Variants in PARN observed in about 807,000 individuals in gnomAD.
PARN encodes poly(A)-specific ribonuclease, also known as poly(A)-specific ribonuclease PARN.
In PARN, 71 loss-of-function variants were observed where a neutral mutation model predicts 102.8. The observed-to-expected ratio is 0.69, with a 90% CI of 0.57 to 0.84. The LOEUF is 0.84. PARN is among the 40% of genes least tolerant of loss of function. The pLI, the probability that PARN is intolerant of heterozygous loss-of-function variation, is 0.00. For synonymous variants in PARN, 261 were observed against 252.9 expected, an observed-to-expected ratio of 1.03 and a Z score of -0.30; for missense variants, 782 against 760.9, an observed-to-expected ratio of 1.03 and a Z score of -0.33.
intron 7 of PARN, among the ~76,000 whole-genome samples, 155 bp downstream of exon 7, chr16:14,610,489 A>G (rs1052242967): frequency 6.7e-6 from 1 of 149,512 alleles, no homozygotes; most frequent in Non-Finnish European, 1.5e-5. Flanking sequence ...AAAAAAAAAA[A>G]TTTTTTTTTT....
At chr16:14,496,958 C>T (rs1964346081) in intron 21 of PARN, among the ~76,000 whole-genome samples, 1 of 152,176 alleles carries the variant, frequency 6.6e-6, no homozygotes. Context: ...GTTAAAATAA[C>T]TTGCCTGATG....
intron 5 of PARN, among the ~76,000 whole-genome samples, chr16:14,623,380 A>G (rs538432191): frequency 7.2e-5 from 11 of 151,814 alleles, no homozygotes; most frequent in Admixed American, 6.6e-4. Context: ...TGGGCGTGTT[A>G]GCACATGTTT....
chr16:14,495,055 A>G (rs1332375643), intron 21 of PARN, among the ~76,000 whole-genome samples: 1 of 152,212 alleles, frequency 6.6e-6, no homozygotes, highest in African/African-American at 2.4e-5. Context: ...GAGTAAACAC[A>G]GAAGCCTCCA....
chr16:14,532,959 C>A (rs1368173053), intron 21 of PARN, among the ~76,000 whole-genome samples: 1 of 151,964 alleles, frequency 6.6e-6, no homozygotes. Flanking sequence ...ACGTCCCAGA[C>A]GATGGGCGGC....
intron 18 of PARN, among the ~76,000 whole-genome samples, chr16:14,563,384 T>C (rs1420172115): frequency 1.3e-5 from 2 of 151,852 alleles, no homozygotes; most frequent in East Asian, 1.9e-4. Context: ...CGAAGGAAGG[T>C]TGTGAGTGTA....
intron 22 of PARN, among the ~76,000 whole-genome samples, chr16:14,454,560 C>T (rs140808400): frequency 6.6e-6 from 1 of 152,146 alleles, no homozygotes; most frequent in African/African-American, 2.4e-5. Flanking sequence ...CCATTTAGTT[C>T]TATGAGTCGC....
chr16:14,575,736 G>A (rs1381190336), intron 18 of PARN, among the ~76,000 whole-genome samples: 1 of 152,166 alleles, frequency 6.6e-6, no homozygotes, highest in African/African-American at 2.4e-5. Flanking sequence ...AGGCATGACT[G>A]GTTTTGAATT....
At chr16:14,446,526 C>T (rs918636863) in intron 23 of PARN, among the ~76,000 whole-genome samples, 2 of 152,108 alleles carry the variant, frequency 1.3e-5, no homozygotes, top group African/African-American at 4.8e-5. Context: ...ACAGTGAAAA[C>T]GCTGCTACTG....
chr16:14,626,832 T>C (rs1972701825), intron 5 of PARN, among the ~76,000 whole-genome samples: 2 of 152,132 alleles, frequency 1.3e-5, no homozygotes, highest in South Asian at 4.2e-4. Context: ...TTAGCCAGGA[T>C]GGTCTCGATC....
At chr16:14,442,772 T>A (rs1027743335) in intron 23 of PARN, among the ~76,000 whole-genome samples, 2 of 152,106 alleles carry the variant, frequency 1.3e-5, no homozygotes, top group Non-Finnish European at 2.9e-5. Context: ...CATTCCCAGC[T>A]AATTTTTGTA....
chr16:14,626,306 T>C (rs1972659221), intron 5 of PARN, among the ~76,000 whole-genome samples: 1 of 152,190 alleles, frequency 6.6e-6, no homozygotes, highest in Non-Finnish European at 1.5e-5. Flanking sequence ...AGTCTTTTGT[T>C]TATTTTAATT....
intron 18 of PARN, among the ~76,000 whole-genome samples, chr16:14,575,249 A>G (rs1237454612): frequency 6.6e-6 from 1 of 152,222 alleles, no homozygotes; most frequent in Admixed American, 6.5e-5. Flanking sequence ...ACTGTCCTTC[A>G]GACAGCAGAA....
chr16:14,440,722 T>C (rs1960906245), intron 23 of PARN, among the ~76,000 whole-genome samples: 1 of 152,170 alleles, frequency 6.6e-6, no homozygotes, highest in South Asian at 2.1e-4. Context: ...AAATGCATCA[T>C]GCTAAATGAA....
At chr16:14,555,108 C>G (rs1967587040) in intron 19 of PARN, among the ~76,000 whole-genome samples, 1 of 152,088 alleles carries the variant, frequency 6.6e-6, no homozygotes. Flanking sequence ...ATTATTGTCA[C>G]CAAGTATAGT....
intron 18 of PARN, among the ~76,000 whole-genome samples, chr16:14,565,913 T>C (rs1158643774): frequency 6.6e-6 from 1 of 152,180 alleles, no homozygotes; most frequent in Admixed American, 6.5e-5. Context: ...TAGTGGAAGG[T>C]GTTCAATCGA....
At chr16:14,457,236 T>G (rs1961719579) in intron 22 of PARN, among the ~76,000 whole-genome samples, 1 of 152,102 alleles carries the variant, frequency 6.6e-6, no homozygotes, top group Non-Finnish European at 1.5e-5. Flanking sequence ...CTACTAGATG[T>G]AGCTAAGGGA....
chr16:14,498,407 C>A (rs1463929574), intron 21 of PARN, among the ~76,000 whole-genome samples: 1 of 152,172 alleles, frequency 6.6e-6, no homozygotes, highest in Non-Finnish European at 1.5e-5. Context: ...CCGTCCCTTG[C>A]CATGCTCCTA....
At chr16:14,463,932 C>G (rs1197685926) in intron 22 of PARN, among the ~76,000 whole-genome samples, 1 of 150,840 alleles carries the variant, frequency 6.6e-6, no homozygotes, top group African/African-American at 2.5e-5. Context: ...TCCCTAGGCT[C>G]AAGTGATCCT....
At chr16:14,494,656 G>A (rs986388323) in intron 21 of PARN, among the ~76,000 whole-genome samples, 3 of 152,232 alleles carry the variant, frequency 2.0e-5, no homozygotes, top group Non-Finnish European at 2.9e-5. Context: ...CAGCCGGAAC[G>A]ATGCGCAGAG....
Sources: allele counts gnomAD v4.1 joint callset (sites outside exome capture counted in the v4.1 genomes callset), GRCh38; gene constraint gnomAD v4.1.1; transcripts MANE v1.5; gene names NCBI Gene and HGNC (gene_info 2026-07-23, HGNC 2026-07-21).